MDGA2: variants seen among roughly 807,000 people sequenced by gnomAD.
The protein encoded by MDGA2 is MAM domain containing glycosylphosphatidylinositol anchor 2, also known as MAM domain-containing glycosylphosphatidylinositol anchor protein 2.
Under a neutral mutation model 117.8 loss-of-function variants are expected in MDGA2, and 40 were observed. The observed-to-expected ratio is 0.34, with a 90% CI of 0.26 to 0.44. The LOEUF (loss-of-function observed/expected upper bound fraction) is 0.44, where lower values mean the gene tolerates loss of function less well. Ranked by LOEUF, MDGA2 falls within the 20% of genes least tolerant of loss-of-function variation. MDGA2 has a pLI of 1.00. For synonymous variants in MDGA2, 452 were observed against 439.0 expected (o/e 1.03, Z -0.37); for missense variants, 1,123 against 1,250.6 (o/e 0.90, Z 1.54).
At chr14:47,141,808 A>G (rs1882730856) in intron 4 of MDGA2, among the ~76,000 whole-genome samples, 1 of 152,208 alleles carries the variant, frequency 6.6e-6, no homozygotes, top group South Asian at 2.1e-4. Context: ...CTATTGCAGA[A>G]TAAGTTGACT....
At chr14:47,479,542 T>G (rs900808656) in intron 1 of MDGA2, among the ~76,000 whole-genome samples, 3 of 152,122 alleles carry the variant, frequency 2.0e-5, no homozygotes, top group African/African-American at 7.2e-5. Context: ...TGAAGACTAC[T>G]TACATACTTT....
chr14:46,942,768 C>T (rs1052191896), intron 9 of MDGA2, among the ~76,000 whole-genome samples: 6 of 152,204 alleles, frequency 3.9e-5, no homozygotes, highest in Middle Eastern at 3.4e-3. Flanking sequence ...AATTCCATTT[C>T]GTGAATAGAT....
intron 14 of MDGA2, among the ~76,000 whole-genome samples, chr14:46,861,365 C>T (rs943622502): frequency 3.3e-5 from 5 of 151,708 alleles, no homozygotes; most frequent in Admixed American, 1.3e-4. Flanking sequence ...TTGTTTCTCA[C>T]TAAGGGAATT....
At chr14:47,585,442 T>C (rs553113160) in intron 1 of MDGA2, among the ~76,000 whole-genome samples, 41 of 152,030 alleles carry the variant, frequency 2.7e-4, no homozygotes, top group Non-Finnish European at 4.7e-4. Flanking sequence ...TTCTTATCTA[T>C]AAAATTGAGT....
chr14:47,568,184 A>T (rs991733093), intron 1 of MDGA2, among the ~76,000 whole-genome samples: 1 of 152,292 alleles, frequency 6.6e-6, no homozygotes, highest in African/African-American at 2.4e-5. Context: ...GTCTATATAG[A>T]CTAAAGTCAT....
intron 7 of MDGA2, among the ~76,000 whole-genome samples, chr14:47,045,257 G>A (rs185931723): frequency 3.9e-5 from 6 of 152,282 alleles, no homozygotes; most frequent in South Asian, 2.1e-4. Flanking sequence ...GCTAAGGTAC[G>A]ATTTGGCTAA....
At chr14:47,559,622 G>C (rs1196694729) in intron 1 of MDGA2, among the ~76,000 whole-genome samples, 1 of 150,702 alleles carries the variant, frequency 6.6e-6, no homozygotes, top group Non-Finnish European at 1.5e-5. Flanking sequence ...GCCCAGGCTG[G>C]AGTGCAATGG....
chr14:47,001,025 C>T (rs978286579), intron 8 of MDGA2, among the ~76,000 whole-genome samples: 1 of 151,854 alleles, frequency 6.6e-6, no homozygotes, highest in Non-Finnish European at 1.5e-5. Context: ...ACATAAAATA[C>T]TCAGACTTCG....
intron 10 of MDGA2, among the ~76,000 whole-genome samples, chr14:46,902,380 C>A (rs1883320392): frequency 1.3e-5 from 2 of 152,046 alleles, no homozygotes; most frequent in African/African-American, 4.8e-5. Flanking sequence ...CAAACCTGTT[C>A]CCTCCCTCCC....
chr14:46,964,795 A>G (rs1862549003), intron 8 of MDGA2, among the ~76,000 whole-genome samples: 1 of 152,162 alleles, frequency 6.6e-6, no homozygotes, highest in South Asian at 2.1e-4. Context: ...TTTGCCTAGC[A>G]AAGTTAACGT....
At chr14:46,894,270 ATAT>A (rs1371208917) in intron 10 of MDGA2, among the ~76,000 whole-genome samples, 1 of 152,128 alleles carries the variant, frequency 6.6e-6, no homozygotes, top group East Asian at 1.9e-4. Flanking sequence ...GATAATATAA[ATAT>A]TATTACCCAA....
At chr14:47,202,301 A>G (rs1301650180) in intron 3 of MDGA2, among the ~76,000 whole-genome samples, 1 of 152,244 alleles carries the variant, frequency 6.6e-6, no homozygotes, top group Non-Finnish European at 1.5e-5. Context: ...ATAAAGAGCC[A>G]GGGAAATTGT....
At chr14:46,986,524 A>ATCT (rs10628124) in intron 8 of MDGA2, among the ~76,000 whole-genome samples, 143,381 of 152,032 alleles carry the variant, frequency 0.94, 67,712 homozygotes, top group East Asian at 1. Flanking sequence ...CTGATGTAAG[A>ATCT]TCTTTCTGAT....
At chr14:47,047,609 C>T (rs1456849059) in intron 7 of MDGA2, among the ~76,000 whole-genome samples, 2 of 151,940 alleles carry the variant, frequency 1.3e-5, no homozygotes, top group Non-Finnish European at 2.9e-5. Flanking sequence ...CCTCTTAAGC[C>T]AAGGTATGGC....
intron 1 of MDGA2, among the ~76,000 whole-genome samples, chr14:47,417,008 G>A (rs1892489061): frequency 6.6e-6 from 1 of 152,166 alleles, no homozygotes; most frequent in Admixed American, 6.5e-5. Flanking sequence ...ATCTTGAAGA[G>A]AATGCTGGTA....
chr14:47,378,916 C>T (rs1312107834), intron 1 of MDGA2, among the ~76,000 whole-genome samples: 1 of 152,114 alleles, frequency 6.6e-6, no homozygotes, highest in Non-Finnish European at 1.5e-5. Flanking sequence ...ACATAATTGT[C>T]AGATTCACCA....
chr14:47,278,147 AAATT>A (rs1367719656), intron 2 of MDGA2, among the ~76,000 whole-genome samples: 45 of 152,268 alleles, frequency 3.0e-4, no homozygotes, highest in African/African-American at 1.0e-3. Context: ...ATAAATAAAT[AAATT>A]AATTAAATAA....
intron 1 of MDGA2, among the ~76,000 whole-genome samples, chr14:47,599,105 T>G (rs1896598589): frequency 6.6e-6 from 1 of 152,074 alleles, no homozygotes; most frequent in Non-Finnish European, 1.5e-5. Flanking sequence ...TCTCCTAAAC[T>G]AGATACTAAG....
chr14:47,625,765 C>A (rs1897128787), intron 1 of MDGA2, among the ~76,000 whole-genome samples: 1 of 152,178 alleles, frequency 6.6e-6, no homozygotes, highest in Admixed American at 6.5e-5. Context: ...ACAAAGTTAT[C>A]TTTCTAATAT....
Sources: allele counts gnomAD v4.1 joint callset (sites outside exome capture counted in the v4.1 genomes callset), GRCh38; gene constraint gnomAD v4.1.1; transcripts MANE v1.5; gene names NCBI Gene and HGNC (gene_info 2026-07-23, HGNC 2026-07-21).